Variants in TENM2 observed in about 807,000 individuals in gnomAD.
TENM2 encodes the protein teneurin transmembrane protein 2, also known as teneurin-2.
A neutral mutation model predicts 245.2 loss-of-function variants in TENM2; 52 were observed. That is an observed-to-expected ratio of 0.21 (90% CI 0.17 to 0.27). The LOEUF (loss-of-function observed/expected upper bound fraction) is 0.27, where lower values mean the gene tolerates loss of function less well. Ranked by LOEUF, TENM2 falls within the 10% of genes least tolerant of loss-of-function variation. The pLI is 1.00. For missense variants in TENM2, 3,046 were observed against 3,666.8 expected, an observed-to-expected ratio of 0.83 and a Z score of 4.37; for synonymous variants, 1,363 against 1,438.9, an observed-to-expected ratio of 0.95 and a Z score of 1.19.
the TENM2 span, among the ~76,000 whole-genome samples, chr5:167,017,105 C>G: frequency 6.6e-6 from 1 of 152,110 alleles, no homozygotes; most frequent in Non-Finnish European, 1.5e-5. Context: ...GAGGAGATAA[C>G]TGAACATTGT....
chr5:167,292,696 C>T (rs1754705423), intron 1 of TENM2, among the ~76,000 whole-genome samples: 1 of 152,152 alleles, frequency 6.6e-6, no homozygotes, highest in African/African-American at 2.4e-5. Flanking sequence ...AAAAGGTAAA[C>T]ATGGTTTCTA....
intron 3 of TENM2, among the ~76,000 whole-genome samples, chr5:167,940,464 A>G (rs1479106133): frequency 6.6e-6 from 1 of 152,212 alleles, no homozygotes; most frequent in Admixed American, 6.5e-5. Context: ...CAATGGAAGG[A>G]TGATAAGATG....
chr5:167,581,525 A>G (rs1315439926), intron 2 of TENM2, among the ~76,000 whole-genome samples: 1 of 152,222 alleles, frequency 6.6e-6, no homozygotes, highest in Non-Finnish European at 1.5e-5. Context: ...TGACAAATCT[A>G]GTCACATGTT....
At chr5:167,652,369 T>G (rs1327249211) in intron 2 of TENM2, among the ~76,000 whole-genome samples, 1 of 152,186 alleles carries the variant, frequency 6.6e-6, no homozygotes, top group East Asian at 1.9e-4. Flanking sequence ...TTGGGCTTAT[T>G]CCTTGCTTTT....
intron 7 of TENM2, among the ~76,000 whole-genome samples, chr5:168,067,045 T>G (rs1790568319): frequency 6.6e-6 from 1 of 152,136 alleles, no homozygotes; most frequent in African/African-American, 2.4e-5. Context: ...ATTGGCAGAT[T>G]AGGTACATGA....
chr5:168,147,459 T>G lies in TENM2; in HGVS notation c.2423-15152T>G, dbSNP rs188834222. Among the ~76,000 whole-genome samples, 21 of 152,344 alleles carry G rather than the reference T, an allele frequency of 1.4e-4. No homozygotes were observed. The East Asian group carries it at 4.1e-3, about 29-fold the overall frequency. Reference sequence around the variant, plus strand: ...CTGTCAGAAATAAACATTGCAGCTTTCTAGCTTTCCCAGCCTTCTACTTAT... The same window carrying G: ...CTGTCAGAAATAAACATTGCAGCTTGCTAGCTTTCCCAGCCTTCTACTTAT... On this transcript the variant is annotated intron_variant, in intron 12 of 28. Coordinates refer to ENST00000518659, the Ensembl canonical transcript of TENM2.
the TENM2 span, among the ~76,000 whole-genome samples, chr5:166,996,474 G>A: frequency 0.012 from 1,810 of 152,312 alleles, 27 homozygotes; most frequent in African/African-American, 0.042. Context: ...CGTGTTTTCC[G>A]TGGATATTCC....
chr5:168,026,035 C>G (rs1786594117), intron 5 of TENM2, among the ~76,000 whole-genome samples: 1 of 152,150 alleles, frequency 6.6e-6, no homozygotes, highest in Admixed American at 6.5e-5. Context: ...GTACAACTCT[C>G]TGGGGAAGAT....
chr5:168,224,064 A>C (rs578218581), intron 23 of TENM2, among the ~76,000 whole-genome samples: 1 of 152,218 alleles, frequency 6.6e-6, no homozygotes. Flanking sequence ...TGGATAGATC[A>C]TCAGTTATTT....
chr5:167,425,234 C>A (rs1381846499), intron 2 of TENM2, among the ~76,000 whole-genome samples: 1 of 152,178 alleles, frequency 6.6e-6, no homozygotes, highest in African/African-American at 2.4e-5. Context: ...ATTCTCGTGA[C>A]TGATAAATCA....
chr5:167,763,746 G>A (rs1168075023), intron 2 of TENM2, among the ~76,000 whole-genome samples: 1 of 152,096 alleles, frequency 6.6e-6, no homozygotes, highest in Non-Finnish European at 1.5e-5. Context: ...TTTCTTCTAG[G>A]TAGGCTGAAC....
At chr5:167,385,866 G>A (rs907440432) in intron 2 of TENM2, among the ~76,000 whole-genome samples, 34 of 146,702 alleles carry the variant, frequency 2.3e-4, no homozygotes, top group African/African-American at 6.7e-4. Context: ...ATGTGTGTGT[G>A]TGTGTGTGTG....
intron 2 of TENM2, among the ~76,000 whole-genome samples, chr5:167,496,370 G>T (rs533670557): frequency 5.9e-5 from 9 of 152,110 alleles, no homozygotes; most frequent in African/African-American, 2.2e-4. Context: ...GGATCTGTAG[G>T]TTCGGATGGA....
intron 8 of TENM2, among the ~76,000 whole-genome samples, chr5:168,095,137 A>G (rs919550264): frequency 2.0e-5 from 3 of 152,158 alleles, no homozygotes; most frequent in African/African-American, 7.2e-5. Context: ...AATAAAATGC[A>G]CAGTAAATGT....
chr5:168,222,043 T>C (rs1278164238), intron 23 of TENM2, among the ~76,000 whole-genome samples: 1 of 152,202 alleles, frequency 6.6e-6, no homozygotes, highest in Non-Finnish European at 1.5e-5. Flanking sequence ...ACTCAGAGTA[T>C]AGGCTAATGG....
At chr5:168,243,618 T>G (rs1412633562) in intron 25 of TENM2, among the ~76,000 whole-genome samples, 2 of 152,204 alleles carry the variant, frequency 1.3e-5, no homozygotes. Context: ...ATCATTAGCT[T>G]CTCAGCTAAT....
rs1265081367 is a variant in TENM2, at chr5:168,247,711, G to A, written c.6772G>A (p.Gly2258Arg). 5.6e-6 allele frequency: 9 copies of A among 1,613,738 alleles called. No individual in the cohort carries two copies. The highest frequency in any genetic ancestry group is 2.7e-5 in the African/African-American group (2 of 74,920). ...CCTCCGGGATCGGATAACCAGACTC[G>A]GGGATGTGCAGTACAAAATTGACGA... The change falls in exon 27 of 29, where the codon GGG becomes AGG. Residue 2258 changes from glycine to arginine, a missense_variant. This residue lies in a region of TENM2 where 2,704 missense variants were observed against 3,331.9 expected (regional missense o/e 0.81). Coordinates refer to ENST00000518659, the Ensembl canonical transcript of TENM2. The surrounding 1 kb of genome is among the most constrained non-coding windows in gnomAD (Gnocchi z 7.8).
the TENM2 span, among the ~76,000 whole-genome samples, chr5:167,216,019 T>G: frequency 0.041 from 6,302 of 152,274 alleles, 427 homozygotes; most frequent in African/African-American, 0.15. Context: ...AACTTACTTT[T>G]TATCACCTCA....
chr5:167,159,729 C>T, the TENM2 span, among the ~76,000 whole-genome samples: 1 of 152,132 alleles, frequency 6.6e-6, no homozygotes, highest in Non-Finnish European at 1.5e-5. Context: ...TCTGGCCCCG[C>T]CCACAAGAGA....
Sources: allele counts gnomAD v4.1 joint callset (sites outside exome capture counted in the v4.1 genomes callset), GRCh38; gene constraint gnomAD v4.1.1; regional missense constraint gnomAD v4.1.1; non-coding constraint Gnocchi (gnomAD v3.1); transcripts MANE v1.5; gene names NCBI Gene and HGNC (gene_info 2026-07-23, HGNC 2026-07-21).